DMD: variants seen among roughly 807,000 people sequenced by gnomAD.
DMD encodes dystrophin.
Under a neutral mutation model 330.1 loss-of-function variants are expected in DMD, and 63 were observed. The ratio of observed to expected loss-of-function variants is 0.19; its 90% confidence interval spans 0.16 to 0.24. The LOEUF (loss-of-function observed/expected upper bound fraction) is 0.24. Among genes scored for constraint, DMD ranks in the 10% least tolerant of loss-of-function variants. The probability of loss-of-function intolerance (pLI) is 1.00; values close to 1 mark genes in which losing one functional copy is unlikely to be tolerated. For synonymous variants in DMD, 1,223 were observed against 959.8 expected, an observed-to-expected ratio of 1.27 and a Z score of -5.07; for missense variants, 3,344 against 2,684.1, an observed-to-expected ratio of 1.25 and a Z score of -5.43.
intron 50 of DMD, among the ~76,000 whole-genome samples, chrX:31,787,224 A>C (rs2091350034): frequency 9.0e-6 from 1 of 110,768 alleles, no homozygotes; most frequent in Non-Finnish European, 1.9e-5. Context: ...GTACAAAATT[A>C]GCCAGGCGTG....
chrX:32,657,316 C>T (rs2060643978), intron 9 of DMD, among the ~76,000 whole-genome samples: 2 of 111,307 alleles, frequency 1.8e-5, no homozygotes, highest in South Asian at 7.4e-4. Flanking sequence ...AATTTAATAA[C>T]CCAATATAAA....
At chrX:32,179,846 G>A (rs772491653) in intron 44 of DMD, among the ~76,000 whole-genome samples, 2 of 111,378 alleles carry the variant, frequency 1.8e-5, no homozygotes, top group African/African-American at 3.3e-5. Flanking sequence ...TCCTGCACAC[G>A]CTCTTGCCTG....
chrX:32,037,349 C>T (rs968807026), intron 44 of DMD, among the ~76,000 whole-genome samples: 7 of 111,758 alleles, frequency 6.3e-5, no homozygotes, highest in Non-Finnish European at 1.3e-4. Flanking sequence ...ATGACCATCT[C>T]TAAAATCACA....
chrX:32,501,879 A>G (rs200635632), intron 18 of DMD, 37 bp from the exon 19 acceptor site: 18 of 1,005,663 alleles, frequency 1.8e-5, no homozygotes, highest in Admixed American at 4.8e-5. Context: ...ATTCAATACA[A>G]GGACTGTGAA....
At chrX:32,172,176 C>T (rs1174496101) in intron 44 of DMD, among the ~76,000 whole-genome samples, 2 of 111,554 alleles carry the variant, frequency 1.8e-5, no homozygotes, top group African/African-American at 3.2e-5. Context: ...GACAACAAAA[C>T]GGTCAAATTT....
intron 68 of DMD, among the ~76,000 whole-genome samples, chrX:31,181,304 G>C (rs12844848): frequency 0.4 from 43,692 of 110,139 alleles, 6,611 homozygotes; most frequent in Non-Finnish European, 0.47. Context: ...ATCTTTTTTA[G>C]ATTCCAGCCA....
chrX:31,713,987 C>T (rs1176961542), intron 52 of DMD, among the ~76,000 whole-genome samples: 2 of 111,745 alleles, frequency 1.8e-5, no homozygotes, highest in African/African-American at 6.5e-5. Context: ...TAATCTCACT[C>T]TAGGTTGATT....
chrX:31,577,395 A>G (rs1369911291), intron 55 of DMD, among the ~76,000 whole-genome samples: 2 of 112,218 alleles, frequency 1.8e-5, no homozygotes, highest in Non-Finnish European at 3.8e-5. Context: ...CAATCAGGGA[A>G]AGCTCATTTG....
intron 72 of DMD, among the ~76,000 whole-genome samples, 183 bp downstream of exon 72, chrX:31,173,356 C>T (rs2040191795): frequency 8.9e-6 from 1 of 111,882 alleles, no homozygotes; most frequent in South Asian, 3.7e-4. Flanking sequence ...TGGACTAATG[C>T]TCTTGTTGGT....
intron 49 of DMD, among the ~76,000 whole-genome samples, chrX:31,827,332 T>C (rs1401360342): frequency 8.9e-6 from 1 of 111,966 alleles, no homozygotes; most frequent in Non-Finnish European, 1.9e-5. Context: ...AAGAAAGACA[T>C]TGTATAATGA....
intron 60 of DMD, among the ~76,000 whole-genome samples, chrX:31,402,905 A>C (rs953855828): frequency 3.6e-5 from 4 of 111,612 alleles, no homozygotes; most frequent in African/African-American, 1.3e-4. Flanking sequence ...AAATGAAGAA[A>C]TATGAAGAAG....
chrX:31,298,428 CACAT>C (rs2054366843), intron 62 of DMD, among the ~76,000 whole-genome samples: 1 of 109,870 alleles, frequency 9.1e-6, no homozygotes, highest in Non-Finnish European at 1.9e-5. Flanking sequence ...CACACACACA[CACAT>C]ACACACACAC....
At chrX:32,441,066 C>T in intron 28 of DMD, 114 bp downstream of exon 28, 1 of 819,527 alleles carries the variant, frequency 1.2e-6, no homozygotes, top group Admixed American at 2.6e-5. Context: ...TGAGTGATAA[C>T]ATAGTAATTA....
intron 44 of DMD, among the ~76,000 whole-genome samples, chrX:31,997,672 A>C (rs1444080605): frequency 9.1e-6 from 1 of 110,266 alleles, no homozygotes; most frequent in Non-Finnish European, 1.9e-5. Context: ...TGTGATGATT[A>C]ATATTCCAAA....
intron 1 of DMD, among the ~76,000 whole-genome samples, chrX:33,083,292 TG>T (rs2094957999): frequency 8.9e-6 from 1 of 112,405 alleles, no homozygotes; most frequent in South Asian, 3.7e-4. Context: ...ACGGGCTGCA[TG>T]GGGAACTGAA....
chrX:32,654,109 G>C (rs1179005506), intron 9 of DMD, among the ~76,000 whole-genome samples: 1 of 111,454 alleles, frequency 9.0e-6, no homozygotes, highest in Non-Finnish European at 1.9e-5. Context: ...GGGACAATTT[G>C]ACTTCCTCTT....
chrX:32,297,158 T>C (rs1376675932), intron 42 of DMD, among the ~76,000 whole-genome samples: 1 of 111,688 alleles, frequency 9.0e-6, no homozygotes, highest in Non-Finnish European at 1.9e-5. Context: ...TCTCTCTGTG[T>C]CTGACAGCTA....
At chrX:31,377,313 C>A (rs184832065) in intron 60 of DMD, among the ~76,000 whole-genome samples, 2 of 111,860 alleles carry the variant, frequency 1.8e-5, no homozygotes, top group East Asian at 5.6e-4. Flanking sequence ...CAGCTCAATG[C>A]AAGAGATAAC....
chrX:33,126,369 G>C (rs1334941086), intron 1 of DMD, among the ~76,000 whole-genome samples: 1 of 111,638 alleles, frequency 9.0e-6, no homozygotes, highest in Non-Finnish European at 1.9e-5. Context: ...TCTGTTCTTA[G>C]TAATCTAGCA....
Sources: gnomAD v4.1 joint callset for allele counts (sites outside exome capture counted in the v4.1 genomes callset) on GRCh38, gnomAD v4.1.1 for gene constraint, MANE v1.5 for transcripts, NCBI Gene and HGNC (gene_info 2026-07-23, HGNC 2026-07-21) for gene names.